AGBL4: variants seen among roughly 807,000 people sequenced by gnomAD.
The protein encoded by AGBL4 is cytosolic carboxypeptidase 6.
AGBL4 carries 58 observed loss-of-function variants against 66.4 expected under a neutral mutation model. The ratio of observed to expected loss-of-function variants is 0.87; its 90% CI spans 0.71 to 1.09. The LOEUF is 1.09. Ranked by LOEUF, AGBL4 falls within the 50% of genes least tolerant of loss-of-function variation. The pLI is 0.00. For missense variants in AGBL4, 579 were observed against 631.0 expected (o/e 0.92, Z 0.88); for synonymous variants, 234 against 222.9 (o/e 1.05, Z -0.44).
At chr1:49,271,630 AC>A (rs1284785261) in intron 3 of AGBL4, among the ~76,000 whole-genome samples, 4 of 151,876 alleles carry the variant, frequency 2.6e-5, no homozygotes, top group Non-Finnish European at 4.4e-5. Flanking sequence ...GTTGACTAAA[AC>A]CCTTTTTAAA....
At chr1:49,930,341 A>C (rs903466225) in intron 1 of AGBL4, among the ~76,000 whole-genome samples, 4 of 152,018 alleles carry the variant, frequency 2.6e-5, no homozygotes, top group African/African-American at 9.7e-5. Context: ...CCACATAGAA[A>C]ATTCCATTCC....
At chr1:49,363,841 TAA>T (rs896979859) in intron 3 of AGBL4, among the ~76,000 whole-genome samples, 2 of 152,108 alleles carry the variant, frequency 1.3e-5, no homozygotes, top group African/African-American at 4.8e-5. Context: ...GTACTAGGGA[TAA>T]AGAGATGAGT....
intron 4 of AGBL4, among the ~76,000 whole-genome samples, chr1:49,064,560 T>G (rs998306056): frequency 6.6e-6 from 1 of 152,228 alleles, no homozygotes; most frequent in Non-Finnish European, 1.5e-5. Flanking sequence ...ATGGATTCCG[T>G]GAGTCCTCAA....
At chr1:48,565,580 C>T (rs1221373528) in intron 11 of AGBL4, among the ~76,000 whole-genome samples, 1 of 152,158 alleles carries the variant, frequency 6.6e-6, no homozygotes, top group South Asian at 2.1e-4. Flanking sequence ...AGCACTCAAG[C>T]ATCCAGGGTC....
intron 1 of AGBL4, among the ~76,000 whole-genome samples, chr1:49,903,028 C>T (rs1398144264): frequency 6.6e-6 from 1 of 151,970 alleles, no homozygotes; most frequent in Non-Finnish European, 1.5e-5. Context: ...TAAATCACTC[C>T]ACCATAAAGA....
intron 1 of AGBL4, among the ~76,000 whole-genome samples, chr1:49,937,384 A>T (rs2148282208): frequency 6.6e-6 from 1 of 152,126 alleles, no homozygotes; most frequent in South Asian, 2.1e-4. Context: ...CCCACACAAT[A>T]ATAATGGGAG....
chr1:49,091,400 T>C (rs1645001471), intron 4 of AGBL4, among the ~76,000 whole-genome samples: 1 of 151,648 alleles, frequency 6.6e-6, no homozygotes, highest in Non-Finnish European at 1.5e-5. Context: ...ACAACCATAT[T>C]GAAAAATTGG....
At chr1:48,810,065 TC>T (rs1646013939) in intron 6 of AGBL4, among the ~76,000 whole-genome samples, 1 of 152,164 alleles carries the variant, frequency 6.6e-6, no homozygotes, top group Non-Finnish European at 1.5e-5. Context: ...TTAAGACTCC[TC>T]GAAACTCTGT....
chr1:49,831,821 G>C (rs947248157), intron 2 of AGBL4, among the ~76,000 whole-genome samples: 3 of 151,982 alleles, frequency 2.0e-5, no homozygotes, highest in East Asian at 1.9e-4. Flanking sequence ...TAGCATTAAG[G>C]GGTGTTGAAT....
At chr1:48,784,948 T>A (rs1482287733) in intron 6 of AGBL4, among the ~76,000 whole-genome samples, 1 of 152,244 alleles carries the variant, frequency 6.6e-6, no homozygotes, top group Non-Finnish European at 1.5e-5. Context: ...ATGAAAAGAT[T>A]GACCTACCTC....
chr1:49,009,330 A>G (rs2149002873), intron 5 of AGBL4, among the ~76,000 whole-genome samples: 1 of 152,286 alleles, frequency 6.6e-6, no homozygotes, highest in South Asian at 2.1e-4. Context: ...TAAACCAGGA[A>G]GAAGTTGAAT....
chr1:49,532,223 T>C (rs574574380), intron 3 of AGBL4, among the ~76,000 whole-genome samples: 3 of 152,240 alleles, frequency 2.0e-5, no homozygotes, highest in South Asian at 2.1e-4. Flanking sequence ...TTGTTAAACA[T>C]AGAATATCAG....
chr1:48,819,886 C>T lies in AGBL4; in HGVS notation c.634+47305G>A, dbSNP rs146343726. On this transcript the variant is annotated intron_variant, in intron 6 of 13. Coordinates refer to ENST00000371839, the MANE Select transcript of AGBL4 (RefSeq NM_032785.4). ...CCACCTAAGAAAGCTGATAGTAACC[C>T]CACTCTTGATTCAAATGGTTCTTCT... Among the ~76,000 whole-genome samples, 871 of 152,204 alleles carry T rather than the reference C, an allele frequency of 5.7e-3. 2 individuals are homozygous for T. The highest frequency in any genetic ancestry group is 8.8e-3 in the Non-Finnish European group (598 of 68,010).
intron 1 of AGBL4, among the ~76,000 whole-genome samples, chr1:49,902,724 G>A (rs1649885647): frequency 1.3e-5 from 2 of 152,146 alleles, no homozygotes; most frequent in Admixed American, 6.5e-5. Context: ...TCCAGCCTGG[G>A]CAACAGAGCG....
intron 4 of AGBL4, among the ~76,000 whole-genome samples, chr1:49,096,254 G>T (rs1340472333): frequency 1.3e-5 from 2 of 152,068 alleles, no homozygotes; most frequent in African/African-American, 4.8e-5. Flanking sequence ...CTGTAAACTA[G>T]TTCAACCATT....
At chr1:49,739,968 T>C (rs945229533) in intron 2 of AGBL4, among the ~76,000 whole-genome samples, 2 of 152,096 alleles carry the variant, frequency 1.3e-5, no homozygotes, top group Admixed American at 6.6e-5. Context: ...CTAAAGACCA[T>C]TGAGGCTAGG....
At chr1:48,986,956 A>C (rs1216454877) in intron 5 of AGBL4, among the ~76,000 whole-genome samples, 1 of 152,092 alleles carries the variant, frequency 6.6e-6, no homozygotes, top group Non-Finnish European at 1.5e-5. Context: ...CATAAGCTAC[A>C]AAAATAATGG....
intron 3 of AGBL4, among the ~76,000 whole-genome samples, chr1:49,393,911 C>T (rs1184456213): frequency 6.6e-6 from 1 of 152,090 alleles, no homozygotes; most frequent in African/African-American, 2.4e-5. Context: ...GTGTGCCAGA[C>T]AATGTGCTAA....
intron 3 of AGBL4, among the ~76,000 whole-genome samples, chr1:49,401,071 C>T (rs546293987): frequency 8.5e-5 from 13 of 152,188 alleles, no homozygotes; most frequent in South Asian, 6.2e-4. Context: ...AGTCCATCCT[C>T]GCATTGCTAT....
Sources: gnomAD v4.1 joint callset for allele counts (sites outside exome capture counted in the v4.1 genomes callset) on GRCh38, gnomAD v4.1.1 for gene constraint, MANE v1.5 for transcripts, NCBI Gene and HGNC (gene_info 2026-07-23, HGNC 2026-07-21) for gene names.